CDK8: variants seen among roughly 807,000 people sequenced by gnomAD.
The protein encoded by CDK8 is cyclin-dependent kinase 8.
Under a neutral mutation model 71.5 loss-of-function variants are expected in CDK8, and 29 were observed. The ratio of observed to expected loss-of-function variants is 0.41; its 90% CI spans 0.30 to 0.55. The LOEUF (loss-of-function observed/expected upper bound fraction) is 0.55. Ranked by LOEUF, CDK8 falls within the 20% of genes least tolerant of loss-of-function variation. The probability of loss-of-function intolerance (pLI) is 0.37; values close to 1 mark genes in which losing one functional copy is unlikely to be tolerated. For synonymous variants in CDK8, 161 were observed against 192.1 expected (o/e 0.84, Z 1.34); for missense variants, 288 against 572.6 (o/e 0.50, Z 5.07).
intron 1 of CDK8, among the ~76,000 whole-genome samples, chr13:26,291,684 A>G (rs1873312019): frequency 6.6e-6 from 1 of 152,112 alleles, no homozygotes; most frequent in Non-Finnish European, 1.5e-5. Context: ...CTATTTTTAA[A>G]TTTAGAGTAA....
At chr13:26,345,200 G>A (rs184968936) in intron 2 of CDK8, among the ~76,000 whole-genome samples, 1 of 152,120 alleles carries the variant, frequency 6.6e-6, no homozygotes, top group Non-Finnish European at 1.5e-5. Context: ...ACATTCCAAG[G>A]TACTGGGGGT....
intron 1 of CDK8, among the ~76,000 whole-genome samples, chr13:26,317,245 A>G (rs1341198513): frequency 6.6e-6 from 1 of 152,178 alleles, no homozygotes; most frequent in African/African-American, 2.4e-5. Flanking sequence ...ATATATTAGT[A>G]CAGAATTCAC....
chr13:26,255,230 T>C (rs1871469836), intron 1 of CDK8, among the ~76,000 whole-genome samples: 1 of 152,140 alleles, frequency 6.6e-6, no homozygotes, highest in South Asian at 2.1e-4. Context: ...TTTTATCAAA[T>C]TTGTATTTTA....
At chr13:26,378,287 G>A (rs1341004342) in intron 4 of CDK8, among the ~76,000 whole-genome samples, 1 of 152,080 alleles carries the variant, frequency 6.6e-6, no homozygotes, top group East Asian at 1.9e-4. Context: ...AAACCAATTT[G>A]CTATCCTTGG....
rs190417418 is a variant in CDK8 at position 26,260,731 on chromosome 13, C to T, written c.128+5962C>T. On this transcript the variant is annotated intron_variant, in intron 1 of 12. Transcript: ENST00000381527. ...ATAATTATTATAGGCCATTTGCAAA[C>T]GTAACTACTTTGACAATTAATTCTC... Among the ~76,000 whole-genome samples, 12 of 152,238 alleles carry T rather than the reference C, an allele frequency of 7.9e-5. No homozygotes were observed. In the East Asian group the frequency reaches 1.5e-3, roughly 20 times the overall value.
chr13:26,295,259 T>G (rs538898904), intron 1 of CDK8, among the ~76,000 whole-genome samples: 2 of 152,282 alleles, frequency 1.3e-5, no homozygotes, highest in African/African-American at 4.8e-5. Flanking sequence ...GCTCTTTTTT[T>G]GGGATCCCTT....
intron 2 of CDK8, among the ~76,000 whole-genome samples, chr13:26,338,777 A>G (rs9319296): frequency 0.013 from 1,974 of 152,264 alleles, 47 homozygotes; most frequent in African/African-American, 0.045. Flanking sequence ...GTTAAAAGCC[A>G]TTAAACTATG....
chr13:26,357,734 A>G (rs536292561), intron 4 of CDK8, among the ~76,000 whole-genome samples: 11 of 152,334 alleles, frequency 7.2e-5, no homozygotes. Context: ...AGAGCAGGCT[A>G]CAGGCTGGAG....
At chr13:26,366,301 T>C (rs1201539634) in intron 4 of CDK8, among the ~76,000 whole-genome samples, 1 of 152,116 alleles carries the variant, frequency 6.6e-6, no homozygotes, top group Admixed American at 6.5e-5. Flanking sequence ...CAGAGAGCCA[T>C]ATTTCAAAAT....
At chr13:26,327,173 T>C (rs1028920658) in intron 1 of CDK8, among the ~76,000 whole-genome samples, 1 of 152,240 alleles carries the variant, frequency 6.6e-6, no homozygotes, top group African/African-American at 2.4e-5. Context: ...ATTGAGGATA[T>C]ATTCATTAAT....
Position 26,337,608 on chromosome 13 carries a change from C to G in CDK8, c.170C>G (p.Thr57Ser). Residue 57 changes from threonine to serine, a missense_variant, in exon 2 of 13, where the codon ACT (threonine) becomes AGT (serine). Physicochemically the swap from Thr to Ser is moderately conservative, Grantham distance 58. Transcript: ENST00000381527. ...TATGCTTTAAAACAAATAGAAGGAA[C>G]TGGGATCTCTATGTCGGCATGTAGA... Reference protein sequence around the residue: ...KDYALKQIEGTGISMSACREI... With the variant: ...KDYALKQIEGSGISMSACREI... 6.9e-7 allele frequency: 1 copy of G among 1,457,952 alleles called. No homozygotes were observed. Among genetic ancestry groups the G allele is most frequent in the Non-Finnish European group, 9.0e-7 (1 of 1,105,034 alleles). 90.3% of individuals were successfully genotyped at this position (1,457,952 alleles called of 1,614,324 possible).
At chr13:26,337,436 G>A (rs544812932) in intron 1 of CDK8, 131 bp from the exon 2 acceptor site, 23 of 322,326 alleles carry the variant, frequency 7.1e-5, no homozygotes, top group African/African-American at 4.4e-4. Flanking sequence ...TTCCTTGTAC[G>A]ACATTGTATG....
chr13:26,285,241 A>C (rs1320467654), intron 1 of CDK8, among the ~76,000 whole-genome samples: 4 of 149,298 alleles, frequency 2.7e-5, no homozygotes, highest in Admixed American at 1.3e-4. Flanking sequence ...TCAAAAAAAC[A>C]AAACAAAACA....
At chr13:26,335,551 C>T (rs1872941785) in intron 1 of CDK8, among the ~76,000 whole-genome samples, 1 of 152,168 alleles carries the variant, frequency 6.6e-6, no homozygotes, top group African/African-American at 2.4e-5. Flanking sequence ...CTCACTGGTC[C>T]CCAAAACTCA....
chr13:26,316,357 C>T (rs9581632), intron 1 of CDK8, among the ~76,000 whole-genome samples: 2,405 of 152,158 alleles, frequency 0.016, 31 homozygotes, highest in African/African-American at 0.033. Flanking sequence ...GAGACCCTGT[C>T]GCAACAACAA....
chr13:26,374,986 A>G (rs1348261617), intron 4 of CDK8, among the ~76,000 whole-genome samples: 1 of 152,182 alleles, frequency 6.6e-6, no homozygotes, highest in Admixed American at 6.5e-5. Flanking sequence ...CCTAGGAACA[A>G]CCTTAATGTT....
At chr13:26,299,421 A>G (rs556813758) in intron 1 of CDK8, among the ~76,000 whole-genome samples, 3 of 152,352 alleles carry the variant, frequency 2.0e-5, no homozygotes, top group South Asian at 2.1e-4. Flanking sequence ...TGTATAGCCT[A>G]GTGCTCCTAG....
chr13:26,330,597 GTTAT>G (rs1875268569), intron 1 of CDK8, among the ~76,000 whole-genome samples: 1 of 151,724 alleles, frequency 6.6e-6, no homozygotes. Context: ...CAGTCTCTCT[GTTAT>G]CTGTTTTTCC....
rs764581988 is a variant in CDK8, at chr13:26,401,501, T to C, written c.1146T>C (p.Thr382=). The C allele has an allele frequency of 6.2e-7, 1 of 1,614,058 alleles. No individual in the cohort carries two copies. Among genetic ancestry groups the C allele is most frequent in the African/African-American group, 1.3e-5 (1 of 74,940 alleles). The part of the protein sequence containing the change: ...NQQQQQGNNH[T]NGTGHPGNQD... The stretch of plus-strand genomic sequence containing the variant: ...AGCAGCAGCAGGGCAATAACCACAC[T>C]AATGGAACTGGCCACCCAGGGAATC... Residue 382 remains threonine, a synonymous_variant, in exon 12 of 13, where the codon ACT becomes ACC. Coordinates refer to ENST00000381527, the MANE Select transcript of CDK8 (RefSeq NM_001260.3). The surrounding 1 kb of genome is among the most constrained non-coding windows in gnomAD (Gnocchi z 4.5).
Sources: allele counts gnomAD v4.1 joint callset (sites outside exome capture counted in the v4.1 genomes callset), GRCh38; gene constraint gnomAD v4.1.1; non-coding constraint Gnocchi (gnomAD v3.1); transcripts MANE v1.5; gene names NCBI Gene and HGNC (gene_info 2026-07-23, HGNC 2026-07-21).